The following TNNI3K variants were observed in gnomAD, a reference collection of about 807,000 sequenced individuals.
TNNI3K encodes the protein TNNI3 interacting kinase.
In TNNI3K, 140 loss-of-function variants were observed where a neutral mutation model predicts 114.5. That is an observed-to-expected ratio of 1.22 (90% CI 1.07 to 1.41). The LOEUF (loss-of-function observed/expected upper bound fraction) is 1.41. Among genes scored for constraint, TNNI3K ranks in the 40% most tolerant of loss-of-function variants. The pLI is 0.00. For synonymous variants in TNNI3K, 347 were observed against 347.5 expected, an observed-to-expected ratio of 1.00 and a Z score of 0.02; for missense variants, 1,125 against 1,007.6, an observed-to-expected ratio of 1.12 and a Z score of -1.58.
intron 11 of TNNI3K, among the ~76,000 whole-genome samples, chr1:74,364,187 A>G (rs115677358): frequency 8.4e-4 from 128 of 151,540 alleles, no homozygotes; most frequent in African/African-American, 3.1e-3. Flanking sequence ...AATTTTTTTT[A>G]GAAATAGGGG....
intron 5 of TNNI3K, among the ~76,000 whole-genome samples, chr1:74,275,081 A>G (rs1403774777): frequency 6.6e-6 from 1 of 152,098 alleles, no homozygotes; most frequent in African/African-American, 2.4e-5. Context: ...TGTAGAGAAA[A>G]TGTCAGAGAA....
intron 20 of TNNI3K, among the ~76,000 whole-genome samples, chr1:74,457,200 C>T (rs749307751): frequency 2.6e-4 from 39 of 152,228 alleles, no homozygotes; most frequent in Non-Finnish European, 4.6e-4. Context: ...CCAATCACCA[C>T]GCAGATCACT....
chr1:74,271,223 T>C (rs969073744), intron 4 of TNNI3K, among the ~76,000 whole-genome samples: 1 of 151,910 alleles, frequency 6.6e-6, no homozygotes, highest in Admixed American at 6.6e-5. Flanking sequence ...AATAAACCTT[T>C]AAACTGTTAC....
At chr1:74,366,112 ACT>A (rs899015750) in intron 11 of TNNI3K, among the ~76,000 whole-genome samples, 2 of 151,894 alleles carry the variant, frequency 1.3e-5, no homozygotes, top group African/African-American at 4.8e-5. Flanking sequence ...CTCAGCATAT[ACT>A]CTCTACATAA....
At chr1:74,403,491 T>C (rs954070152) in intron 17 of TNNI3K, among the ~76,000 whole-genome samples, 2 of 152,296 alleles carry the variant, frequency 1.3e-5, no homozygotes, top group Middle Eastern at 6.8e-3. Flanking sequence ...TAGACATCAT[T>C]GAACATAAAG....
chr1:74,481,552 A>T (rs555577205), intron 21 of TNNI3K, among the ~76,000 whole-genome samples: 2 of 152,346 alleles, frequency 1.3e-5, no homozygotes, highest in East Asian at 1.9e-4. Flanking sequence ...CAATCCAGAC[A>T]ACCCAAGTAC....
chr1:74,320,899 G>T (rs1659575344), intron 5 of TNNI3K, among the ~76,000 whole-genome samples: 1 of 152,100 alleles, frequency 6.6e-6, no homozygotes. Flanking sequence ...GGGGAGGAAA[G>T]TCATGAAAAA....
intron 5 of TNNI3K, among the ~76,000 whole-genome samples, chr1:74,318,567 T>C (rs1164287482): frequency 6.6e-6 from 1 of 152,186 alleles, no homozygotes. Flanking sequence ...AATTGTTTGA[T>C]CCTCCCCTGT....
chr1:74,315,891 C>G (rs759980772), intron 5 of TNNI3K, among the ~76,000 whole-genome samples: 15 of 152,046 alleles, frequency 9.9e-5, no homozygotes, highest in Non-Finnish European at 1.9e-4. Context: ...AACAGCAAAT[C>G]AAGTTAATCA....
At chr1:74,286,953 A>G (rs952104754) in intron 5 of TNNI3K, among the ~76,000 whole-genome samples, 2 of 152,110 alleles carry the variant, frequency 1.3e-5, no homozygotes, top group African/African-American at 4.8e-5. Flanking sequence ...AAGAGGCTCA[A>G]TGTGCTCCAA....
intron 9 of TNNI3K, chr1:74,346,117 T>C (rs1660987298): frequency 6.6e-6 from 1 of 152,168 alleles, no homozygotes; most frequent in Non-Finnish European, 1.5e-5. Context: ...GATAGGGTAT[T>C]GTCTATTATA....
chr1:74,290,979 A>G (rs1657643081), intron 5 of TNNI3K, among the ~76,000 whole-genome samples: 1 of 151,782 alleles, frequency 6.6e-6, no homozygotes. Flanking sequence ...TTTTGTAAAC[A>G]TATGTATTTT....
chr1:74,335,919 T>G (rs1660438962), intron 6 of TNNI3K, 92 bp from the exon 7 acceptor site: 5 of 1,382,346 alleles, frequency 3.6e-6, no homozygotes, highest in Non-Finnish European at 4.8e-6. Context: ...TAAATTTTTG[T>G]GGTTTAAGCC....
chr1:74,236,497 A>T (rs951390393), intron 2 of TNNI3K, among the ~76,000 whole-genome samples: 1 of 151,810 alleles, frequency 6.6e-6, no homozygotes, highest in Non-Finnish European at 1.5e-5. Context: ...GATCTCAGTA[A>T]TCTTCTCAGG....
chr1:74,448,301 G>A (rs1364896521), intron 20 of TNNI3K, among the ~76,000 whole-genome samples: 1 of 134,364 alleles, frequency 7.4e-6, no homozygotes, highest in Non-Finnish European at 1.6e-5. Context: ...TGTGATTTTT[G>A]TACATTGATT....
intron 11 of TNNI3K, among the ~76,000 whole-genome samples, chr1:74,361,263 T>G (rs1443248795): frequency 2.6e-5 from 4 of 152,060 alleles, no homozygotes; most frequent in Admixed American, 1.3e-4. Context: ...GCTTAATGAG[T>G]TTGTCCTCAT....
intron 6 of TNNI3K, among the ~76,000 whole-genome samples, chr1:74,334,489 A>G (rs915288054): frequency 1.3e-5 from 2 of 152,204 alleles, no homozygotes; most frequent in South Asian, 2.1e-4. Context: ...GAGGCATCCT[A>G]ACTTAACCTT....
intron 21 of TNNI3K, among the ~76,000 whole-genome samples, chr1:74,465,535 T>TC (rs1368441034): frequency 1.1e-3 from 171 of 151,294 alleles, no homozygotes; most frequent in Middle Eastern, 6.8e-3. Flanking sequence ...CATGCCCGAG[T>TC]CCCCCCCCAA....
chr1:74,348,798 GT>G (rs1225547615), intron 9 of TNNI3K, among the ~76,000 whole-genome samples: 1 of 152,042 alleles, frequency 6.6e-6, no homozygotes, highest in East Asian at 1.9e-4. Context: ...CTCTCTGTTT[GT>G]CTGTTATTGG....
Sources: gnomAD v4.1 joint callset for allele counts (sites outside exome capture counted in the v4.1 genomes callset) on GRCh38, gnomAD v4.1.1 for gene constraint, MANE v1.5 for transcripts, NCBI Gene and HGNC (gene_info 2026-07-23, HGNC 2026-07-21) for gene names.